Variants in CACNB2 observed in about 807,000 individuals in gnomAD.
CACNB2 encodes the protein calcium voltage-gated channel auxiliary subunit beta 2.
CACNB2 carries 42 observed loss-of-function variants against 73.3 expected under a neutral mutation model. The observed-to-expected ratio is 0.57, with a 90% CI of 0.45 to 0.74. The LOEUF is 0.74. CACNB2 is among the 30% of genes least tolerant of loss of function. The pLI is 0.00. For synonymous variants in CACNB2, 348 were observed against 310.3 expected (o/e 1.12, Z -1.28); for missense variants, 940 against 853.0 (o/e 1.10, Z -1.27).
intron 2 of CACNB2, among the ~76,000 whole-genome samples, chr10:18,316,417 A>G (rs2040185680): frequency 6.6e-6 from 1 of 152,024 alleles, no homozygotes; most frequent in African/African-American, 2.4e-5. Context: ...TCTGAATTAA[A>G]AATCTGTATT....
intron 2 of CACNB2, among the ~76,000 whole-genome samples, chr10:18,343,036 A>G (rs1163612143): frequency 6.6e-6 from 1 of 152,204 alleles, no homozygotes; most frequent in Non-Finnish European, 1.5e-5. Context: ...TACCCATTTA[A>G]TTCTCATTGT....
intron 3 of CACNB2, among the ~76,000 whole-genome samples, chr10:18,432,831 TAAAA>T (rs970984833): frequency 4.3e-4 from 49 of 113,266 alleles, no homozygotes; most frequent in African/African-American, 1.9e-3. Context: ...CAGCCCTGTC[TAAAA>T]AAACAAACAA....
chr10:18,505,245 G>GA (rs759211484), intron 5 of CACNB2, among the ~76,000 whole-genome samples: 8,848 of 122,926 alleles, frequency 0.072, 375 homozygotes, highest in African/African-American at 0.15. Flanking sequence ...TAATACTTCA[G>GA]AAAAAAAAAA....
At chr10:18,332,511 A>G (rs2040844721) in intron 2 of CACNB2, among the ~76,000 whole-genome samples, 2 of 152,224 alleles carry the variant, frequency 1.3e-5, no homozygotes, top group South Asian at 4.1e-4. Context: ...TATTTAGGAA[A>G]ATCCAACCTC....
chr10:18,261,689 T>C lies in CACNB2; in HGVS notation c.213+110714T>C, dbSNP rs114944942. 1.4e-3 allele frequency among the ~76,000 whole-genome samples: 218 copies of C among 152,170 alleles called. 1 individual carries two copies. The highest frequency in any genetic ancestry group is 5.0e-3 in the African/African-American group (209 of 41,524). On this transcript the variant is annotated intron_variant, in intron 2 of 13. Coordinates refer to ENST00000324631, the MANE Select transcript of CACNB2 (RefSeq NM_201596.3). ...ATGATGGGATGGTGGGGGGAAGAAATACCACGGAGTTTGACAAATTATAGA... is the reference window on the plus strand; with the variant it reads ...ATGATGGGATGGTGGGGGGAAGAAACACCACGGAGTTTGACAAATTATAGA...
intron 6 of CACNB2, among the ~76,000 whole-genome samples, chr10:18,510,313 G>T (rs956898952): frequency 2.6e-5 from 4 of 151,046 alleles, no homozygotes; most frequent in East Asian, 1.9e-4. Flanking sequence ...CTCTTTCTTT[G>T]TTTTTTTTTG....
intron 2 of CACNB2, among the ~76,000 whole-genome samples, chr10:18,259,302 AC>A (rs1406214582): frequency 4.6e-5 from 7 of 152,090 alleles, no homozygotes; most frequent in Non-Finnish European, 8.8e-5. Context: ...ATGGTGACTC[AC>A]ACTTGTAATC....
At chr10:18,369,806 C>T (rs368395290) in intron 2 of CACNB2, among the ~76,000 whole-genome samples, 13 of 152,290 alleles carry the variant, frequency 8.5e-5, no homozygotes, top group African/African-American at 2.9e-4. Flanking sequence ...ACTCAGGAGG[C>T]TGAGGCAGGA....
intron 11 of CACNB2, 32 bp downstream of exon 11, chr10:18,534,259 T>C (rs1157325791): frequency 1.3e-6 from 2 of 1,572,586 alleles, no homozygotes; most frequent in East Asian, 2.2e-5. Context: ...TGCTCTATAA[T>C]CAAACTTTCC....
intron 3 of CACNB2, among the ~76,000 whole-genome samples, chr10:18,481,500 G>A (rs1266987579): frequency 6.6e-6 from 1 of 151,326 alleles, no homozygotes; most frequent in Non-Finnish European, 1.5e-5. Context: ...GCCCGCCTCG[G>A]CATCCCAAAG....
intron 2 of CACNB2, among the ~76,000 whole-genome samples, chr10:18,274,987 A>AAG (rs2038216144): frequency 6.6e-6 from 1 of 152,200 alleles, no homozygotes; most frequent in African/African-American, 2.4e-5. Context: ...ACTCTTTTAA[A>AAG]AGACACTGAT....
intron 2 of CACNB2, among the ~76,000 whole-genome samples, chr10:18,154,430 G>C (rs368757327): frequency 4.5e-4 from 69 of 152,094 alleles, no homozygotes; most frequent in Middle Eastern, 6.8e-3. Context: ...CTCTGGGAGT[G>C]GGGCTCTAAT....
chr10:18,418,881 G>T (rs1412666770), intron 3 of CACNB2, among the ~76,000 whole-genome samples: 1 of 152,184 alleles, frequency 6.6e-6, no homozygotes, highest in African/African-American at 2.4e-5. Flanking sequence ...CTCGTCTTTG[G>T]CTTTCTCGTT....
At chr10:18,452,155 G>A (rs2047048832) in intron 3 of CACNB2, among the ~76,000 whole-genome samples, 1 of 152,194 alleles carries the variant, frequency 6.6e-6, no homozygotes, top group East Asian at 1.9e-4. Flanking sequence ...TGGGCATAGC[G>A]ATGCACACCT....
rs1306204175 is a variant in CACNB2, at chr10:18,514,324, A to G, written c.759A>G (p.Val253=). The G allele has an allele frequency of 1.9e-6, 3 of 1,614,170 alleles. No individual in the cohort carries two copies. Among genetic ancestry groups the G allele is most frequent in the South Asian group, 1.1e-5 (1 of 91,080 alleles). Residue 253 remains valine, a synonymous_variant, in exon 7 of 14, where the codon GTA becomes GTG. Coordinates refer to ENST00000324631, the MANE Select transcript of CACNB2 (RefSeq NM_201596.3). Reference sequence around the variant, plus strand: ...CCCCTAAACCCAGTGCAAACAGTGTAACGTCACCCCACTCCAAAGAGAAAA... The same window carrying G: ...CCCCTAAACCCAGTGCAAACAGTGTGACGTCACCCCACTCCAAAGAGAAAA... ...HRSPKPSANS[V]TSPHSKEKRM... is the part of the protein sequence containing the mutation.
At chr10:18,320,113 G>T (rs2040344861) in intron 2 of CACNB2, among the ~76,000 whole-genome samples, 3 of 151,894 alleles carry the variant, frequency 2.0e-5, no homozygotes, top group Non-Finnish European at 4.4e-5. Context: ...CCACCCCAAG[G>T]ACCTGTCAGC....
chr10:18,442,930 ATATATATATATGTGTATATATATATATG>A (rs61449706), intron 3 of CACNB2, among the ~76,000 whole-genome samples: 7,342 of 44,250 alleles, frequency 0.17, 652 homozygotes, highest in South Asian at 0.21. Flanking sequence ...ATATATGTAT[ATATATATATATGTGTATATATATATATG>A]TATATATATA....
chr10:18,315,499 T>TAAAAAA lies in CACNB2; in HGVS notation c.214-86401_214-86396dup, dbSNP rs756721525. 1.2e-3 allele frequency among the ~76,000 whole-genome samples: 47 copies of TAAAAAA among 39,500 alleles called. 1 individual carries two copies. The highest frequency in any genetic ancestry group is 2.9e-3 in the African/African-American group (29 of 10,108). 25.9% of individuals were successfully genotyped at this position (39,500 alleles called of 152,430 possible). ...AGCAAAAAGAGACCTTGTCTCTATTTAAAAAAAAAAAAAAAAAAAAAAAAA... is the reference window on the plus strand; with the variant it reads ...AGCAAAAAGAGACCTTGTCTCTATTTAAAAAAAAAAAAAAAAAAAAAAAAAAAAAAA... On this transcript the variant is annotated intron_variant, in intron 2 of 13. Transcript: ENST00000324631.
chr10:18,268,675 A>C lies in CACNB2; in HGVS notation c.213+117700A>C, dbSNP rs187584535. 4.2e-3 allele frequency among the ~76,000 whole-genome samples: 639 copies of C among 152,334 alleles called. 5 individuals carry two copies. The highest frequency in any genetic ancestry group is 0.014 in the African/African-American group (584 of 41,572). On this transcript the variant is annotated intron_variant, in intron 2 of 13. Transcript: ENST00000324631. The stretch of plus-strand genomic sequence containing the variant: ...GAACAGGCAGGATTTTACCTTTTAC[A>C]TCATTAAGTATGTTGCAATAAGTAT...
Sources: gnomAD v4.1 joint callset for allele counts (sites outside exome capture counted in the v4.1 genomes callset) on GRCh38, gnomAD v4.1.1 for gene constraint, MANE v1.5 for transcripts, NCBI Gene and HGNC (gene_info 2026-07-23, HGNC 2026-07-21) for gene names.